Variants in SNTA1 observed in about 807,000 individuals in gnomAD.
SNTA1 encodes alpha-1-syntrophin.
A neutral mutation model predicts 47.1 loss-of-function variants in SNTA1; 31 were observed. That is an observed-to-expected ratio of 0.66 (90% CI 0.49 to 0.89). The LOEUF (loss-of-function observed/expected upper bound fraction) is 0.89, where lower values mean the gene tolerates loss of function less well. Among genes scored for constraint, SNTA1 ranks in the 40% least tolerant of loss-of-function variants. The probability of loss-of-function intolerance (pLI) is 0.00; values close to 1 mark genes in which losing one functional copy is unlikely to be tolerated. For missense variants in SNTA1, 575 were observed against 693.0 expected, an observed-to-expected ratio of 0.83 and a Z score of 1.91; for synonymous variants, 300 against 313.6, an observed-to-expected ratio of 0.96 and a Z score of 0.46.
At chr20:33,414,868 C>T (rs1989835349) in intron 3 of SNTA1, among the ~76,000 whole-genome samples, 1 of 152,164 alleles carries the variant, frequency 6.6e-6, no homozygotes, top group Admixed American at 6.6e-5. Context: ...TAGCTGACCC[C>T]TGGACTTCTT....
chr20:33,414,560 C>T (rs1043884319), intron 3 of SNTA1, among the ~76,000 whole-genome samples: 6 of 152,128 alleles, frequency 3.9e-5, no homozygotes, highest in African/African-American at 1.4e-4. Flanking sequence ...CACCACTGCA[C>T]TCCAGCCTGG....
In SNTA1 at chr20:33,417,849, G is replaced by A; in HGVS notation, c.571C>T (p.Pro191Ser). ...GGCTGCCGCTGAAGGGGTGAGGCAG[G>A]AGGTGAGTCCCAGCCGACCGAGGTC... ...GGTSVGWDSP[P>S]ASPLQRQPSS... Residue 191 changes from proline (P) to serine (S), a missense_variant, in exon 3 of 8, where the codon CCT becomes TCT. By Grantham distance (74) the Pro-to-Ser change is moderately conservative. Transcript: ENST00000217381. 1 of 1,614,062 alleles carries A rather than the reference G, an allele frequency of 6.2e-7. No homozygotes were observed. The highest frequency in any genetic ancestry group is 8.5e-7 in the Non-Finnish European group (1 of 1,179,962).
In SNTA1 at chr20:33,443,544, TCGC is replaced by T; in HGVS notation, c.74_76del (p.Gly25del). 1 of 1,341,998 alleles carries T rather than the reference TCGC, an allele frequency of 7.5e-7. No individual in the cohort carries two copies. The highest frequency in any genetic ancestry group is 9.6e-7 in the Non-Finnish European group (1 of 1,039,300). 83.1% of individuals were successfully genotyped at this position (1,341,998 alleles called of 1,614,324 possible). The stretch of plus-strand genomic sequence containing the variant: ...ACTCAGCAGCACCCGCTGCCATCGC[TCGC>T]CGCCGGCCCCCGAGCCCGCCCCGGC... On this transcript the variant is annotated inframe_deletion, in exon 1 of 8. Transcript: ENST00000217381.
chr20:33,412,901 G>C (rs1041929543), intron 3 of SNTA1, 119 bp from the exon 4 acceptor site: 9 of 729,626 alleles, frequency 1.2e-5, no homozygotes, highest in Non-Finnish European at 2.2e-5. Flanking sequence ...GTCCGTGAGA[G>C]AATCAGGAGC....
rs1454175483 is a variant in SNTA1 at position 33,410,298 on chromosome 20, C to T, written c.1074G>A (p.Val358=). ...LVHSGPSKGS[V]PYDAELSFAL... is the part of the protein sequence containing the mutation. ...CAAAAGAGAGCTCTGCATCGTAGGGCACTGAGCCCTTGGAGGGGCCTGAGT... is the reference window on the plus strand; with the variant it reads ...CAAAAGAGAGCTCTGCATCGTAGGGTACTGAGCCCTTGGAGGGGCCTGAGT... Residue 358 remains valine, a synonymous_variant, in exon 6 of 8, where the codon GTG becomes GTA. Transcript: ENST00000217381. 3 of 1,610,268 alleles carry T rather than the reference C, an allele frequency of 1.9e-6. No homozygotes were observed. The highest frequency in any genetic ancestry group is 2.5e-6 in the Non-Finnish European group (3 of 1,178,972).
chr20:33,436,361 A>G (rs2146804274), intron 2 of SNTA1, among the ~76,000 whole-genome samples: 3 of 152,336 alleles, frequency 2.0e-5, no homozygotes, highest in Non-Finnish European at 4.4e-5. Flanking sequence ...CATTTCGATG[A>G]ATGTCAGTGG....
Position 33,429,863 on chromosome 20 carries a change from A to G in SNTA1, c.496+8978T>C, listed in dbSNP as rs531213741. ...CTCCATCCTCCACATCCCAGGCTCA[A>G]ATGATCCTTCAGCCTCAGCATCCCA... On this transcript the variant is annotated intron_variant, in intron 2 of 7. Coordinates refer to ENST00000217381, the MANE Select transcript of SNTA1 (RefSeq NM_003098.3). 2.0e-4 allele frequency among the ~76,000 whole-genome samples: 31 copies of G among 152,228 alleles called. 1 individual carries two copies. In the South Asian group the frequency reaches 6.0e-3, roughly 29 times the overall value.
intron 2 of SNTA1, among the ~76,000 whole-genome samples, chr20:33,424,336 G>A (rs1189199972): frequency 2.0e-5 from 3 of 148,248 alleles, no homozygotes; most frequent in Non-Finnish European, 4.5e-5. Context: ...AAGAAAGAAA[G>A]AAAAAAAAAG....
At chr20:33,415,610 C>T (rs1989855223) in intron 3 of SNTA1, among the ~76,000 whole-genome samples, 1 of 151,590 alleles carries the variant, frequency 6.6e-6, no homozygotes, top group African/African-American at 2.4e-5. Context: ...TGGTGAACCC[C>T]CGTCTCTGCT....
At chr20:33,441,701 A>G (rs57854245) in intron 1 of SNTA1, among the ~76,000 whole-genome samples, 1 of 152,146 alleles carries the variant, frequency 6.6e-6, no homozygotes, top group African/African-American at 2.4e-5. Flanking sequence ...GAAGTCTCCT[A>G]AAAGTACCCT....
intron 6 of SNTA1, 130 bp from the exon 7 acceptor site, chr20:33,409,018 T>A: frequency 1.2e-6 from 1 of 806,536 alleles, no homozygotes; most frequent in Non-Finnish European, 2.1e-6. Flanking sequence ...CTGTTTGTCG[T>A]GGCACCAGTA....
At chr20:33,439,307 C>T (rs932422809) in intron 1 of SNTA1, among the ~76,000 whole-genome samples, 14 of 152,044 alleles carry the variant, frequency 9.2e-5, no homozygotes, top group Admixed American at 8.5e-4. Flanking sequence ...AGTTCAGGAT[C>T]AGCCTGGGCA....
chr20:33,438,824 G>A lies in SNTA1; in HGVS notation c.496+17C>T, dbSNP rs756393541. The A allele has an allele frequency of 2.5e-6, 4 of 1,609,888 alleles. No homozygotes were observed. The Admixed American group carries it at 5.0e-5, about 20-fold the overall frequency. On this transcript the variant is annotated intron_variant, in intron 2 of 7. Transcript: ENST00000217381. ...CCTCCACCCAGCCCCTCTGAACCCT[G>A]GAACGTCAGTGCTTACCCTCCAGCA...
chr20:33,429,273 GT>G (rs1352140720), intron 2 of SNTA1, among the ~76,000 whole-genome samples: 1 of 143,458 alleles, frequency 7.0e-6, no homozygotes, highest in African/African-American at 2.6e-5. Context: ...GGAGGTGGAG[GT>G]TTGATTGAGC....
At chr20:33,425,131 G>C (rs1990136251) in intron 2 of SNTA1, among the ~76,000 whole-genome samples, 1 of 151,728 alleles carries the variant, frequency 6.6e-6, no homozygotes, top group South Asian at 2.1e-4. Context: ...AAAAAAATTA[G>C]CCGGGCATGG....
At chr20:33,415,646 T>TC (rs1045190192) in intron 3 of SNTA1, among the ~76,000 whole-genome samples, 4 of 150,396 alleles carry the variant, frequency 2.7e-5, no homozygotes, top group African/African-American at 9.8e-5. Context: ...AAAAAATTAG[T>TC]CAGGCATGGC....
intron 2 of SNTA1, among the ~76,000 whole-genome samples, chr20:33,423,614 A>G (rs1303924011): frequency 1.3e-5 from 2 of 152,166 alleles, no homozygotes; most frequent in Admixed American, 1.3e-4. Context: ...GGAAGCCAGG[A>G]TCTGGCTCTG....
Position 33,408,538 on chromosome 20 carries a change from G to A in SNTA1, c.1487C>T (p.Ala496Val), listed in dbSNP as rs1989653209. The A allele has an allele frequency of 3.1e-6, 5 of 1,614,042 alleles. No individual in the cohort carries two copies. The highest frequency in any genetic ancestry group is 1.3e-5 in the African/African-American group (1 of 74,932). ...IVFIIHSFLS[A>V]KVTRLGLLA is the part of the protein sequence containing the mutation. ...CAACAGCCCGAGGCGGGTGACTTTG[G>A]CCGACAGGAAGGAGTGGATGATGAA... The change falls in exon 8 of 8, where the codon GCC (alanine) becomes GTC (valine). Residue 496 changes from alanine (A) to valine (V), a missense_variant. Transcript: ENST00000217381.
At chr20:33,435,223 C>A in intron 2 of SNTA1, among the ~76,000 whole-genome samples, 1 of 148,912 alleles carries the variant, frequency 6.7e-6, no homozygotes, top group East Asian at 2.1e-4. Context: ...AACTCCTGGC[C>A]TCAGGTGATC....
Sources: allele counts gnomAD v4.1 joint callset (sites outside exome capture counted in the v4.1 genomes callset), GRCh38; gene constraint gnomAD v4.1.1; transcripts MANE v1.5; gene names NCBI Gene and HGNC (gene_info 2026-07-23, HGNC 2026-07-21).